Variants in GPR6 observed in about 807,000 individuals in gnomAD.
GPR6 encodes the protein sphingosine 1-phosphate receptor GPR6.
A neutral mutation model predicts 18.5 loss-of-function variants in GPR6; 14 were observed. The observed-to-expected ratio is 0.76, with a 90% CI of 0.50 to 1.18. The LOEUF (loss-of-function observed/expected upper bound fraction) is 1.18. GPR6 is among the 50% of genes most tolerant of loss of function. The pLI, the probability that GPR6 is intolerant of heterozygous loss-of-function variation, is 0.00. For missense variants in GPR6, 477 were observed against 495.9 expected (o/e 0.96, Z 0.36); for synonymous variants, 299 against 240.9 (o/e 1.24, Z -2.23).
Position 109,978,393 on chromosome 6 carries a change from T to C in GPR6, c.-93T>C, listed in dbSNP as rs7759173. 177,776 of 218,444 alleles carry C rather than the reference T, an allele frequency of 0.81. 72,524 individuals are homozygous for C. The highest frequency in any genetic ancestry group is 0.86 in the Middle Eastern group (545 of 634). 13.5% of individuals were successfully genotyped at this position (218,444 alleles called of 1,614,324 possible). On this transcript the variant is annotated 5_prime_UTR_variant, in exon 1 of 2. Transcript: ENST00000275169. ...CGCCTCCTGCAGGCAGCTGCTCTGT[T>C]TGCGCGGGGAGCTCAGCCCGGCGCC... is the stretch of plus-strand genomic sequence containing the variant.
Position 109,979,956 on chromosome 6 carries a change from G to A in GPR6, c.844G>A (p.Ala282Thr), listed in dbSNP as rs767421663. Residue 282 changes from alanine to threonine, a missense_variant, in exon 2 of 2, where the codon GCT (alanine) becomes ACT (threonine). By Grantham distance (58) the Ala-to-Thr change is moderately conservative. Coordinates refer to ENST00000275169, the MANE Select transcript of GPR6 (RefSeq NM_005284.5). ...CACCAGAAAGGGTGTGGGTACACTG[G>A]CTGTGGTGCTGGGCACTTTCGGCGC... ...AATRKGVGTLAVVLGTFGASW... is the reference protein window; with the variant it reads ...AATRKGVGTLTVVLGTFGASW... The A allele has an allele frequency of 4.3e-6, 7 of 1,613,018 alleles. No individual in the cohort carries two copies. The East Asian group carries it at 1.3e-4, about 31-fold the overall frequency.
At position 109,978,473 on chromosome 6, in the gene GPR6, T is replaced by G; in HGVS notation, c.-19+6T>G. ...CAGAAGTCCTGACGCCCCAGGTGAG[T>G]GGCCGAGTTCCCAGGGAACTTTGAG... is the stretch of plus-strand genomic sequence containing the variant. On this transcript the variant is annotated splice_donor_region_variant and intron_variant, in intron 1 of 1. Transcript: ENST00000275169. 1 of 369,842 alleles carries G rather than the reference T, an allele frequency of 2.7e-6. No individual in the cohort carries two copies. The highest frequency in any genetic ancestry group is 4.9e-6 in the Non-Finnish European group (1 of 203,436). 22.9% of individuals were successfully genotyped at this position (369,842 alleles called of 1,614,324 possible).
intron 1 of GPR6, chr6:109,978,890 G>C (rs1771004541): frequency 1.3e-6 from 2 of 1,529,826 alleles, no homozygotes; most frequent in Non-Finnish European, 1.8e-6. Flanking sequence ...CAAAAACTCA[G>C]AAGTCCGCGT....
chr6:109,978,778 G>A, intron 1 of GPR6: 2 of 1,535,732 alleles, frequency 1.3e-6, no homozygotes, highest in Non-Finnish European at 1.7e-6. Context: ...CTCCCAGGAT[G>A]ACACTCCTAG....
intron 1 of GPR6, 194 bp from the exon 2 acceptor site, chr6:109,978,901 G>A: frequency 5.9e-6 from 9 of 1,524,516 alleles, no homozygotes; most frequent in South Asian, 2.4e-5. Flanking sequence ...AAGTCCGCGT[G>A]GGCATTTCAC....
Position 109,980,159 on chromosome 6 carries a change from G to T in GPR6, c.1047G>T (p.Gln349His), listed in dbSNP as rs777295042. Residue 349 changes from glutamine to histidine, a missense_variant, in exon 2 of 2, where the codon CAG becomes CAT. By Grantham distance (24) the Gln-to-His change is conservative (BLOSUM62 0). Transcript: ENST00000275169. Reference protein sequence around the residue: ...ALWLLLCGCFQSKVPFRSRSP... With the variant: ...ALWLLLCGCFHSKVPFRSRSP... ...GGCTCCTGCTCTGTGGCTGTTTCCA[G>T]TCCAAAGTGCCCTTTCGTTCCAGGT... The T allele has an allele frequency of 6.2e-7, 1 of 1,614,240 alleles. No individual in the cohort carries two copies. Among genetic ancestry groups the T allele is most frequent in the Non-Finnish European group, 8.5e-7 (1 of 1,180,050 alleles).
rs193275950 is a variant in GPR6, at chr6:109,980,289, C to T, written c.*88C>T. The T allele has an allele frequency of 1.4e-3, 2,207 of 1,549,104 alleles. 61 individuals carry two copies. The Admixed American group carries it at 0.038, about 27-fold the overall frequency. ...GGTGCCTGCTGACGAACTCTGAGAT[C>T]CCAATGGTGTGAGTCTGACTTTGGA... On this transcript the variant is annotated 3_prime_UTR_variant, in exon 2 of 2. Transcript: ENST00000275169.
At position 109,978,955 on chromosome 6, in the gene GPR6, A is replaced by G; in HGVS notation, c.-18-140A>G. On this transcript the variant is annotated intron_variant, in intron 1 of 1. Coordinates refer to ENST00000275169, the MANE Select transcript of GPR6 (RefSeq NM_005284.5). Reference sequence around the variant, plus strand: ...TTTATTTTGGGTTCGCACTTAACCCATGATTCCCCGATTTGCTCTGGGGTC... The same window carrying G: ...TTTATTTTGGGTTCGCACTTAACCCGTGATTCCCCGATTTGCTCTGGGGTC... The G allele has an allele frequency of 3.3e-6, 5 of 1,532,046 alleles. No homozygotes were observed. In the South Asian group the frequency reaches 6.1e-5, roughly 19 times the overall value. 94.9% of individuals were successfully genotyped at this position (1,532,046 alleles called of 1,614,324 possible).
chr6:109,979,943 T>C lies in GPR6; in HGVS notation c.831T>C (p.Gly277=). 1 of 1,613,018 alleles carries C rather than the reference T, an allele frequency of 6.2e-7. No homozygotes were observed. Among genetic ancestry groups the C allele is most frequent in the Non-Finnish European group, 8.5e-7 (1 of 1,180,034 alleles). The change falls in exon 2 of 2, where the codon GGT becomes GGC. Residue 277 remains glycine (G), a synonymous_variant. Transcript: ENST00000275169. The part of the protein sequence containing the change: ...APPHLAATRK[G]VGTLAVVLGT... Reference sequence around the variant, plus strand: ...CCCATCTCGCTGCCACCAGAAAGGGTGTGGGTACACTGGCTGTGGTGCTGG... The same window carrying C: ...CCCATCTCGCTGCCACCAGAAAGGGCGTGGGTACACTGGCTGTGGTGCTGG...
At position 109,979,767 on chromosome 6, in the gene GPR6, G is replaced by A; in HGVS notation, c.655G>A (p.Val219Met). 1 of 1,599,060 alleles carries A rather than the reference G, an allele frequency of 6.3e-7. No homozygotes were observed. The highest frequency in any genetic ancestry group is 1.3e-5 in the African/African-American group (1 of 74,878). ...GGCAGAGCGCGCCGCCTGCAGCGTG[G>A]TGCGCCCGCTGGCGCGCAGCCACGT... ...CLAERAACSV[V>M]RPLARSHVAL... Residue 219 changes from valine to methionine, a missense_variant, in exon 2 of 2, where the codon GTG becomes ATG. Val to Met is a conservative substitution (Grantham distance 21). Transcript: ENST00000275169.
Position 109,979,899 on chromosome 6 carries a change from C to G in GPR6, c.787C>G (p.Gln263Glu). The G allele has an allele frequency of 6.2e-7, 1 of 1,611,812 alleles. No individual in the cohort carries two copies. Residue 263 changes from glutamine (Q) to glutamate (E), a missense_variant, in exon 2 of 2, where the codon CAG becomes GAG. Transcript: ENST00000275169. ...CCACGCGCACCAGATCGCGCTGCAG[C>G]AGCACTGCCTGGCGCCACCCCATCT... is the stretch of plus-strand genomic sequence containing the variant. Reference protein sequence around the residue: ...WRHAHQIALQQHCLAPPHLAA... With the variant: ...WRHAHQIALQEHCLAPPHLAA...
In GPR6 at chr6:109,979,159, T is replaced by A; in HGVS notation, c.47T>A (p.Val16Glu). The A allele has an allele frequency of 1.3e-6, 2 of 1,598,096 alleles. No homozygotes were observed. The highest frequency in any genetic ancestry group is 1.7e-6 in the Non-Finnish European group (2 of 1,177,436). ...CTCAACGACTCCCAGGTGGTGGTAG[T>A]GGCGGCCGAAGGAGCGGCGGCGGCG... ...ASLNDSQVVV[V>E]AAEGAAAAAT... Residue 16 changes from valine to glutamate, a missense_variant, in exon 2 of 2, where the codon GTG becomes GAG. Coordinates refer to ENST00000275169, the MANE Select transcript of GPR6 (RefSeq NM_005284.5).
chr6:109,978,402 G>C lies in GPR6; in HGVS notation c.-84G>C, dbSNP rs1770990720. 2 of 233,626 alleles carry C rather than the reference G, an allele frequency of 8.6e-6. No individual in the cohort carries two copies. The highest frequency in any genetic ancestry group is 1.7e-5 in the Non-Finnish European group (2 of 120,602). The allele number at this position is 233,626 out of a possible 1,614,324, so 14.5% of individuals were successfully genotyped here. On this transcript the variant is annotated 5_prime_UTR_variant, in exon 1 of 2. Coordinates refer to ENST00000275169, the MANE Select transcript of GPR6 (RefSeq NM_005284.5). ...CAGGCAGCTGCTCTGTTTGCGCGGG[G>C]AGCTCAGCCCGGCGCCCCGCCTCGG...
At position 109,979,686 on chromosome 6, in the gene GPR6, A is replaced by G. The variant is rs768096309; in HGVS notation, c.574A>G (p.Thr192Ala). The change falls in exon 2 of 2, where the codon ACT (threonine) becomes GCT (alanine). Residue 192 changes from threonine (T) to alanine (A), a missense_variant. Transcript: ENST00000275169. ...LLGVHLLLAA[T>A]WTVSLGLGLL... ...GGGCGTGCACCTCCTGCTTGCCGCC[A>G]CTTGGACCGTGTCCCTAGGCCTGGG... is the stretch of plus-strand genomic sequence containing the variant. The G allele has an allele frequency of 1.9e-6, 3 of 1,609,966 alleles. No individual in the cohort carries two copies. Among genetic ancestry groups the G allele is most frequent in the Non-Finnish European group, 2.5e-6 (3 of 1,179,878 alleles).
intron 1 of GPR6, chr6:109,978,686 G>T (rs778560476): frequency 1.3e-6 from 2 of 1,506,380 alleles, no homozygotes; most frequent in Non-Finnish European, 1.8e-6. Context: ...CAGAAACTTC[G>T]CTTTCAGCAC....
In GPR6 at chr6:109,979,202, G is replaced by T. The variant is rs775150720; in HGVS notation, c.90G>T (p.Gly30=). 5 of 1,598,358 alleles carry T rather than the reference G, an allele frequency of 3.1e-6. No homozygotes were observed. The East Asian group carries it at 8.9e-5, about 29-fold the overall frequency. The change falls in exon 2 of 2, where the codon GGG becomes GGT. Residue 30 remains glycine, a synonymous_variant. Coordinates refer to ENST00000275169, the MANE Select transcript of GPR6 (RefSeq NM_005284.5). The part of the protein sequence containing the change: ...GAAAAATAAG[G]PDTGEWGPPA... ...CGGCGGCGGCCACAGCAGCAGGGGG[G>T]CCGGACACGGGCGAATGGGGACCCC...
Position 109,979,214 on chromosome 6 carries a change from C to A in GPR6, c.102C>A (p.Gly34=). 1 of 1,601,774 alleles carries A rather than the reference C, an allele frequency of 6.2e-7. No individual in the cohort carries two copies. The highest frequency in any genetic ancestry group is 8.5e-7 in the Non-Finnish European group (1 of 1,178,000). Residue 34 remains glycine, a synonymous_variant, in exon 2 of 2, where the codon GGC becomes GGA. Transcript: ENST00000275169. The part of the protein sequence containing the change: ...AATAAGGPDT[G]EWGPPAAAAL... ...CAGCAGCAGGGGGGCCGGACACGGG[C>A]GAATGGGGACCCCCTGCTGCGGCGG...
chr6:109,979,873 G>A lies in GPR6; in HGVS notation c.761G>A (p.Arg254His), dbSNP rs955696746. The A allele has an allele frequency of 6.2e-7, 1 of 1,610,054 alleles. No homozygotes were observed. Among genetic ancestry groups the A allele is most frequent in the Non-Finnish European group, 8.5e-7 (1 of 1,179,854 alleles). ...GTGCGCATCTGCCAGGTGGTCTGGCGCCACGCGCACCAGATCGCGCTGCAG... is the reference window on the plus strand; with the variant it reads ...GTGCGCATCTGCCAGGTGGTCTGGCACCACGCGCACCAGATCGCGCTGCAG... ...LYVRICQVVW[R>H]HAHQIALQQH... is the part of the protein sequence containing the mutation. The change falls in exon 2 of 2, where the codon CGC becomes CAC. Residue 254 changes from arginine (R) to histidine (H), a missense_variant. Transcript: ENST00000275169.
intron 1 of GPR6, 85 bp from the exon 2 acceptor site, chr6:109,979,010 C>A: frequency 6.5e-7 from 1 of 1,540,894 alleles, no homozygotes; most frequent in Non-Finnish European, 8.7e-7. Flanking sequence ...TCAAGTGGGG[C>A]AATGCGAGAG....
Sources: gnomAD v4.1 joint callset for allele counts on GRCh38, gnomAD v4.1.1 for gene constraint, MANE v1.5 for transcripts, NCBI Gene and HGNC (gene_info 2026-07-23, HGNC 2026-07-21) for gene names.